The following GLT8D2 variants were observed in gnomAD, a reference collection of about 807,000 sequenced individuals.
GLT8D2 encodes the protein glycosyltransferase 8 domain containing 2.
GLT8D2 carries 45 observed loss-of-function variants against 44.5 expected under a neutral mutation model. The ratio of observed to expected loss-of-function variants is 1.01; its 90% CI spans 0.80 to 1.30. GLT8D2 has a LOEUF of 1.30. Among genes scored for constraint, GLT8D2 ranks in the 50% most tolerant of loss-of-function variants. The pLI is 0.00. For missense variants in GLT8D2, 400 were observed against 430.4 expected (o/e 0.93, Z 0.62); for synonymous variants, 156 against 157.2 (o/e 0.99, Z 0.06).
At chr12:103,993,156 C>T (rs1210505888) in intron 10 of GLT8D2, among the ~76,000 whole-genome samples, 1 of 152,104 alleles carries the variant, frequency 6.6e-6, no homozygotes, top group African/African-American at 2.4e-5. Context: ...CATGGTGAAA[C>T]CCCATCTGTA....
At chr12:104,015,828 C>G (rs545682197) in intron 3 of GLT8D2, among the ~76,000 whole-genome samples, 1 of 151,996 alleles carries the variant, frequency 6.6e-6, no homozygotes, top group East Asian at 1.9e-4. Context: ...ATGGTGAAAC[C>G]CTATCTCTAC....
chr12:103,989,348 TG>T lies in GLT8D2; in HGVS notation c.*59del. ...TATTCATAAAGAACAATGTTATAGT[TG>T]GCTACAAAGGGACAATTCCACATTT... On this transcript the variant is annotated 3_prime_UTR_variant, in exon 11 of 11. Coordinates refer to ENST00000360814, the MANE Select transcript of GLT8D2 (RefSeq NM_001384711.1). The T allele has an allele frequency of 7.3e-7, 1 of 1,372,126 alleles. No individual in the cohort carries two copies. Among genetic ancestry groups the T allele is most frequent in the South Asian group, 1.4e-5 (1 of 71,594 alleles). The allele number at this position is 1,372,126 out of a possible 1,614,324, so 85.0% of individuals were successfully genotyped here.
chr12:104,014,210 C>A, intron 4 of GLT8D2: 1 of 665,152 alleles, frequency 1.5e-6, no homozygotes, highest in South Asian at 1.6e-5. Context: ...AAAAAATTAG[C>A]TGGGCGTGGT....
At chr12:103,993,588 T>G in intron 9 of GLT8D2, 84 bp from the exon 10 acceptor site, 1 of 830,190 alleles carries the variant, frequency 1.2e-6, no homozygotes, top group Non-Finnish European at 1.9e-6. Flanking sequence ...GTAAATGATG[T>G]AAGACATTAT....
At chr12:104,027,817 G>A (rs1408996179) in intron 1 of GLT8D2, among the ~76,000 whole-genome samples, 2 of 152,118 alleles carry the variant, frequency 1.3e-5, no homozygotes, top group Admixed American at 6.5e-5. Context: ...TTAAAAATTA[G>A]AGCTCTCTGA....
intron 1 of GLT8D2, among the ~76,000 whole-genome samples, chr12:104,025,958 A>C (rs76417012): frequency 0.037 from 5,630 of 152,224 alleles, 182 homozygotes; most frequent in South Asian, 0.084. Flanking sequence ...TCAGTGACTA[A>C]AAAGTGAGCT....
At chr12:104,041,544 C>G (rs12319125) in intron 1 of GLT8D2, among the ~76,000 whole-genome samples, 39,955 of 152,126 alleles carry the variant, frequency 0.26, 6,326 homozygotes, top group Non-Finnish European at 0.34. Flanking sequence ...CCACTGCACT[C>G]CAGCCTGGGT....
chr12:104,038,798 T>C (rs1035086940), intron 1 of GLT8D2, among the ~76,000 whole-genome samples: 45 of 152,264 alleles, frequency 3.0e-4, no homozygotes, highest in African/African-American at 1.0e-3. Context: ...AAAAATACTT[T>C]AAAGTTCATA....
At chr12:104,004,003 C>T (rs1022870623) in intron 4 of GLT8D2, among the ~76,000 whole-genome samples, 5 of 152,072 alleles carry the variant, frequency 3.3e-5, no homozygotes, top group African/African-American at 1.2e-4. Context: ...AAACTGAATC[C>T]AGCAGCACAT....
intron 6 of GLT8D2, among the ~76,000 whole-genome samples, chr12:103,998,563 C>T (rs1216127809): frequency 6.6e-6 from 1 of 152,126 alleles, no homozygotes; most frequent in Non-Finnish European, 1.5e-5. Flanking sequence ...GTGCCTGCCA[C>T]CATGCCCAGC....
chr12:104,057,589 G>A (rs1394014183), intron 1 of GLT8D2, among the ~76,000 whole-genome samples: 1 of 151,072 alleles, frequency 6.6e-6, no homozygotes. Flanking sequence ...AGAAATATTA[G>A]GTTTACAATT....
At chr12:104,007,950 C>T (rs1015848495) in intron 4 of GLT8D2, among the ~76,000 whole-genome samples, 8 of 152,312 alleles carry the variant, frequency 5.3e-5, no homozygotes, top group East Asian at 1.9e-4. Flanking sequence ...AAGTGCCTTT[C>T]GCCTCCTGCC....
At chr12:104,060,600 T>G (rs1421570399) in intron 1 of GLT8D2, among the ~76,000 whole-genome samples, 1 of 152,162 alleles carries the variant, frequency 6.6e-6, no homozygotes, top group African/African-American at 2.4e-5. Context: ...GGATGAGCCC[T>G]AATCCAATAT....
At chr12:104,047,299 TTAGGCC>T (rs1881261544) in intron 1 of GLT8D2, among the ~76,000 whole-genome samples, 2 of 142,596 alleles carry the variant, frequency 1.4e-5, no homozygotes, top group East Asian at 4.8e-4. Flanking sequence ...ACCAGCTCTC[TTAGGCC>T]TTTTTTTTTT....
intron 4 of GLT8D2, among the ~76,000 whole-genome samples, chr12:104,007,233 G>GCTCTCTCTATCT (rs1875153795): frequency 1.5e-5 from 1 of 66,286 alleles, no homozygotes; most frequent in South Asian, 9.5e-4. Context: ...TATACTTAAA[G>GCTCTCTCTATCT]CTCTCTCTCT....
In GLT8D2 at chr12:104,043,101, G is replaced by A. The variant is rs1005952757; in HGVS notation, c.-164+6794C>T. The stretch of plus-strand genomic sequence containing the variant: ...CTTACATGCTTCCTGCACGTGGCCC[G>A]GGGGACTCGGCTCACCTGCTTTTCC... On this transcript the variant is annotated intron_variant, in intron 1 of 10. Transcript: ENST00000360814. 3.3e-5 allele frequency among the ~76,000 whole-genome samples: 5 copies of A among 152,114 alleles called. No individual in the cohort carries two copies. The South Asian group carries it at 8.3e-4, about 25-fold the overall frequency.
intron 5 of GLT8D2, 88 bp downstream of exon 5, chr12:104,003,044 AAAG>A (rs535921247): frequency 5.0e-5 from 47 of 948,332 alleles, no homozygotes; most frequent in Admixed American, 1.3e-4. Context: ...GAAAGAAAGA[AAAG>A]AAGAAGAAGA....
intron 5 of GLT8D2, 84 bp from the exon 6 acceptor site, chr12:103,999,598 C>T (rs544532671): frequency 2.6e-6 from 2 of 780,442 alleles, no homozygotes; most frequent in South Asian, 3.0e-5. Flanking sequence ...AATCTGTTGC[C>T]TCCCTAGAAA....
At chr12:104,062,684 G>A (rs902546595) in intron 1 of GLT8D2, among the ~76,000 whole-genome samples, 12 of 150,940 alleles carry the variant, frequency 8.0e-5, no homozygotes, top group African/African-American at 1.5e-4. Context: ...CATCTTGACC[G>A]AGCTGGTCTC....
Sources: gnomAD v4.1 joint callset for allele counts (sites outside exome capture counted in the v4.1 genomes callset) on GRCh38, gnomAD v4.1.1 for gene constraint, MANE v1.5 for transcripts, NCBI Gene and HGNC (gene_info 2026-07-23, HGNC 2026-07-21) for gene names.